ANKRD55: variants seen among roughly 807,000 people sequenced by gnomAD.
ANKRD55 encodes the protein ankyrin repeat domain-containing protein 55.
A neutral mutation model predicts 60.6 loss-of-function variants in ANKRD55; 41 were observed. That is an observed-to-expected ratio of 0.68 (90% CI 0.53 to 0.88). The LOEUF (loss-of-function observed/expected upper bound fraction) is 0.88, where lower values mean the gene tolerates loss of function less well. ANKRD55 is among the 40% of genes least tolerant of loss of function. ANKRD55 has a pLI of 0.00. For missense variants in ANKRD55, 732 were observed against 767.6 expected, an observed-to-expected ratio of 0.95 and a Z score of 0.55; for synonymous variants, 264 against 290.3, an observed-to-expected ratio of 0.91 and a Z score of 0.92.
intron 6 of ANKRD55, among the ~76,000 whole-genome samples, chr5:56,154,200 CAAAAAAA>C (rs367809782): frequency 1.6e-5 from 1 of 64,320 alleles, no homozygotes; most frequent in Non-Finnish European, 2.6e-5. Flanking sequence ...GACTCTGTCT[CAAAAAAA>C]AAAAAAAAAA....
intron 4 of ANKRD55, 52 bp from the exon 5 acceptor site, chr5:56,170,855 G>T: frequency 6.7e-7 from 1 of 1,502,550 alleles, no homozygotes; most frequent in African/African-American, 1.4e-5. Flanking sequence ...CACGTAACAT[G>T]GTCCAACAAA....
chr5:56,144,055 T>C, intron 6 of ANKRD55, 126 bp from the exon 7 acceptor site: 1 of 1,165,486 alleles, frequency 8.6e-7, no homozygotes, highest in Middle Eastern at 3.0e-4. Flanking sequence ...TGCTGGTTCA[T>C]TCATTCATTC....
intron 4 of ANKRD55, among the ~76,000 whole-genome samples, chr5:56,173,354 C>T (rs181468469): frequency 1.8e-4 from 28 of 151,840 alleles, no homozygotes; most frequent in Admixed American, 3.9e-4. Context: ...TGCGCCACCA[C>T]GCCTGGCTAC....
chr5:56,199,505 A>G (rs1269111208), intron 2 of ANKRD55, among the ~76,000 whole-genome samples: 1 of 151,980 alleles, frequency 6.6e-6, no homozygotes, highest in African/African-American at 2.4e-5. Context: ...GTATTTTTAA[A>G]TGTTTCTTAA....
intron 7 of ANKRD55, among the ~76,000 whole-genome samples, chr5:56,133,663 C>A (rs1191863801): frequency 8.9e-6 from 1 of 112,384 alleles, no homozygotes; most frequent in South Asian, 2.8e-4. Context: ...CAACAGACAA[C>A]TGGAAAATTT....
At chr5:56,154,103 C>A (rs1399205130) in intron 6 of ANKRD55, among the ~76,000 whole-genome samples, 2 of 144,100 alleles carry the variant, frequency 1.4e-5, no homozygotes, top group African/African-American at 5.1e-5. Context: ...GTCCCAGCTA[C>A]TTCGGAGGCT....
intron 2 of ANKRD55, among the ~76,000 whole-genome samples, chr5:56,198,720 A>G (rs1245064752): frequency 1.3e-5 from 2 of 152,174 alleles, no homozygotes; most frequent in Non-Finnish European, 2.9e-5. Flanking sequence ...TACTGAAGCA[A>G]TCTGGGAGAC....
chr5:56,152,243 C>T (rs1310890559), intron 6 of ANKRD55, among the ~76,000 whole-genome samples: 1 of 150,170 alleles, frequency 6.7e-6, no homozygotes, highest in Non-Finnish European at 1.5e-5. Context: ...GTTTCTTCTG[C>T]TTTTGGTTCT....
At position 56,126,911 on chromosome 5, in the gene ANKRD55, A is replaced by G. The variant is rs1400349502; in HGVS notation, c.797+11T>C. The stretch of plus-strand genomic sequence containing the variant: ...ACTAGTTTCCCAGCACTTTCTGGTT[A>G]CCATGGATACCTGTCATCCACATCC... On this transcript the variant is annotated intron_variant, in intron 8 of 11. Transcript: ENST00000341048. 7.6e-6 allele frequency: 12 copies of G among 1,588,312 alleles called. No homozygotes were observed. The highest frequency in any genetic ancestry group is 1.0e-5 in the Non-Finnish European group (12 of 1,166,128).
intron 10 of ANKRD55, among the ~76,000 whole-genome samples, chr5:56,107,708 C>G (rs1382917115): frequency 6.6e-6 from 1 of 152,108 alleles, no homozygotes; most frequent in East Asian, 1.9e-4. Context: ...ATTTTTCCCC[C>G]TCTCTACTTC....
At chr5:56,159,604 A>G (rs1339177457) in intron 6 of ANKRD55, among the ~76,000 whole-genome samples, 1 of 152,256 alleles carries the variant, frequency 6.6e-6, no homozygotes, top group African/African-American at 2.4e-5. Context: ...ATGCTGAAGT[A>G]CTTAATGCAA....
At chr5:56,129,706 C>A (rs994337479) in intron 7 of ANKRD55, among the ~76,000 whole-genome samples, 1 of 152,192 alleles carries the variant, frequency 6.6e-6, no homozygotes, top group African/African-American at 2.4e-5. Context: ...TAACATATGT[C>A]TAAGGAATAT....
At position 56,126,850 on chromosome 5, in the gene ANKRD55, A is replaced by G. The variant is rs538528846; in HGVS notation, c.797+72T>C. ...AGCTGTATAGGACACCTCCTTAAAC[A>G]TCTCCTTTATTTTAAGATTCAGTTA... On this transcript the variant is annotated intron_variant, in intron 8 of 11. Transcript: ENST00000341048. 1,246 of 1,502,892 alleles carry G rather than the reference A, an allele frequency of 8.3e-4. 20 individuals are homozygous for G. The South Asian group carries it at 0.016, about 19-fold the overall frequency. The allele number at this position is 1,502,892 out of a possible 1,614,324, so 93.1% of individuals were successfully genotyped here.
chr5:56,162,952 A>G (rs1339617554), intron 5 of ANKRD55, among the ~76,000 whole-genome samples: 1 of 152,082 alleles, frequency 6.6e-6, no homozygotes, highest in Non-Finnish European at 1.5e-5. Flanking sequence ...TACAGGCGTG[A>G]ATCACCCTAT....
chr5:56,144,768 T>G (rs1266773651), intron 6 of ANKRD55, among the ~76,000 whole-genome samples: 1 of 152,298 alleles, frequency 6.6e-6, no homozygotes, highest in Admixed American at 6.5e-5. Flanking sequence ...CAGGGTCATA[T>G]GGGTTAGGTA....
intron 2 of ANKRD55, among the ~76,000 whole-genome samples, chr5:56,202,207 AT>A (rs1473205702): frequency 6.6e-6 from 1 of 152,068 alleles, no homozygotes; most frequent in African/African-American, 2.4e-5. Context: ...CGAGCTTAAT[AT>A]TTAGGTGATG....
intron 5 of ANKRD55, among the ~76,000 whole-genome samples, chr5:56,163,169 G>T (rs1758374292): frequency 6.6e-6 from 1 of 152,076 alleles, no homozygotes; most frequent in Non-Finnish European, 1.5e-5. Context: ...CTGCATTCTT[G>T]CCCTCACTCT....
At chr5:56,203,186 C>T (rs1216692471) in intron 2 of ANKRD55, among the ~76,000 whole-genome samples, 8 of 152,202 alleles carry the variant, frequency 5.3e-5, no homozygotes, top group Admixed American at 4.6e-4. Context: ...TCTGTGTTCC[C>T]ACCCAAATCT....
chr5:56,208,629 G>C (rs1351135752), intron 2 of ANKRD55, among the ~76,000 whole-genome samples: 1 of 152,064 alleles, frequency 6.6e-6, no homozygotes, highest in African/African-American at 2.4e-5. Context: ...TTGCCATGTT[G>C]GCCAGTCCGG....
Sources: gnomAD v4.1 joint callset for allele counts (sites outside exome capture counted in the v4.1 genomes callset) on GRCh38, gnomAD v4.1.1 for gene constraint, MANE v1.5 for transcripts, NCBI Gene and HGNC (gene_info 2026-07-23, HGNC 2026-07-21) for gene names.